DISP3: variants seen among roughly 807,000 people sequenced by gnomAD.
The protein encoded by DISP3 is protein dispatched homolog 3.
Under a neutral mutation model 135.3 loss-of-function variants are expected in DISP3, and 101 were observed. The ratio of observed to expected loss-of-function variants is 0.75; its 90% CI spans 0.64 to 0.88. The LOEUF (loss-of-function observed/expected upper bound fraction) is 0.88. Among genes scored for constraint, DISP3 ranks in the 40% least tolerant of loss-of-function variants. DISP3 has a pLI of 0.00. For synonymous variants in DISP3, 856 were observed against 817.0 expected (o/e 1.05, Z -0.81); for missense variants, 1,713 against 1,878.6 (o/e 0.91, Z 1.63).
At chr1:11,534,874 G>A in intron 18 of DISP3, 137 bp from the exon 19 acceptor site, 1 of 867,432 alleles carries the variant, frequency 1.2e-6, no homozygotes, top group Non-Finnish European at 1.9e-6. Context: ...AACAAGGCCG[G>A]TAGGGTAGGT....
chr1:11,500,861 A>G, intron 1 of DISP3, 129 bp from the exon 2 acceptor site: 1 of 1,017,174 alleles, frequency 9.8e-7, no homozygotes, highest in Non-Finnish European at 1.4e-6. Flanking sequence ...TGCTTGATGC[A>G]ATTCCATTGC....
In DISP3 at chr1:11,501,504, C is replaced by A. The variant is rs1641516920; in HGVS notation, c.512C>A (p.Ala171Asp). The change falls in exon 2 of 21, where the codon GCC (alanine) becomes GAC (aspartate). Residue 171 changes from alanine (A) to aspartate (D), a missense_variant. Ala to Asp is a moderately radical substitution (Grantham distance 126, BLOSUM62 -2). Around this residue, in one of 2 missense-constraint regions of DISP3, gnomAD observed 571 missense variants for 494.1 expected, o/e 1.16. Transcript: ENST00000294484. This position sits in a 1 kb window ranked among gnomAD's most constrained non-coding sequence, Gnocchi z 4.9. ...LGNRSRQASR[A>D]PRVIPAASLG... ...AACCGCTCGCGGCAAGCCTCCCGAG[C>A]CCCCCGCGTCATCCCCGCGGCCTCA... 2 of 1,605,498 alleles carry A rather than the reference C, an allele frequency of 1.2e-6. No individual in the cohort carries two copies. The highest frequency in any genetic ancestry group is 1.3e-5 in the African/African-American group (1 of 74,724).
intron 1 of DISP3, among the ~76,000 whole-genome samples, chr1:11,498,785 G>T (rs1483920791): frequency 6.6e-6 from 1 of 152,072 alleles, no homozygotes; most frequent in African/African-American, 2.4e-5. Flanking sequence ...TGTTGTGTAC[G>T]CCATCCTTCT....
At chr1:11,513,909 T>C (rs1423368538) in intron 3 of DISP3, among the ~76,000 whole-genome samples, 1 of 152,010 alleles carries the variant, frequency 6.6e-6, no homozygotes, top group Middle Eastern at 3.4e-3. Flanking sequence ...ATGTCACTTA[T>C]GTTTGTATTT....
chr1:11,509,049 C>T (rs1641784444), intron 3 of DISP3, among the ~76,000 whole-genome samples: 1 of 152,102 alleles, frequency 6.6e-6, no homozygotes, highest in South Asian at 2.1e-4. Context: ...CTATAAAATT[C>T]CCCTTAAGTA....
rs1642652304 is a variant in DISP3 at position 11,534,367 on chromosome 1, A to AT, written c.3376-13dup. The stretch of plus-strand genomic sequence containing the variant: ...GTCCCTGCCTGTCTCACTAGCTCAC[A>AT]TCTCTCCCCACAGACCACGTACAAG... On this transcript the variant is annotated splice_polypyrimidine_tract_variant and intron_variant, in intron 17 of 20. Transcript: ENST00000294484. The AT allele has an allele frequency of 1.2e-6, 2 of 1,614,114 alleles. No individual in the cohort carries two copies. Among genetic ancestry groups the AT allele is most frequent in the South Asian group, 2.2e-5 (2 of 91,076 alleles).
chr1:11,508,413 G>T (rs185871865), intron 3 of DISP3, among the ~76,000 whole-genome samples: 16 of 149,794 alleles, frequency 1.1e-4, no homozygotes, highest in African/African-American at 4.0e-4. Flanking sequence ...GCAAGACCCT[G>T]TCTCTTAAAA....
chr1:11,522,975 G>T (rs1353267657), intron 10 of DISP3, among the ~76,000 whole-genome samples: 1 of 151,250 alleles, frequency 6.6e-6, no homozygotes, highest in Non-Finnish European at 1.5e-5. Flanking sequence ...CCAGGACCCA[G>T]CCGGAGCCCA....
intron 1 of DISP3, among the ~76,000 whole-genome samples, chr1:11,480,493 A>G (rs1359365951): frequency 6.6e-6 from 1 of 152,056 alleles, no homozygotes; most frequent in African/African-American, 2.4e-5. Flanking sequence ...TCACAAGCAC[A>G]CACGTTCGTG....
chr1:11,520,723 TCGCCAGCCGGCTCCGCCC>T lies in DISP3; in HGVS notation c.2248_2265del (p.Leu750_Arg755del), dbSNP rs747717383. The T allele has an allele frequency of 2.5e-6, 4 of 1,613,214 alleles. No individual in the cohort carries two copies. The highest frequency in any genetic ancestry group is 1.1e-5 in the South Asian group (1 of 91,064). On this transcript the variant is annotated inframe_deletion, in exon 10 of 21. Transcript: ENST00000294484. The surrounding 1 kb of genome is among the most constrained non-coding windows in gnomAD (Gnocchi z 4.8). ...TCCATCCTCATCTTGTCCCTGGTGT[TCGCCAGCCGGCTCCGCCC>T]CGCCAGCCGGGCCCCGCTACTCTTC...
intron 1 of DISP3, among the ~76,000 whole-genome samples, chr1:11,492,702 A>AC (rs1450833372): frequency 6.6e-6 from 1 of 152,232 alleles, no homozygotes; most frequent in African/African-American, 2.4e-5. Flanking sequence ...GATGGGGAGT[A>AC]GAGGTAGGTG....
At chr1:11,523,020 C>T (rs1479071657) in intron 10 of DISP3, among the ~76,000 whole-genome samples, 1 of 152,256 alleles carries the variant, frequency 6.6e-6, no homozygotes, top group Non-Finnish European at 1.5e-5. Context: ...GTGCCTCTTC[C>T]TCTGGGAACT....
chr1:11,518,848 A>G lies in DISP3; in HGVS notation c.1890-507A>G, dbSNP rs116448960. Reference sequence around the variant, plus strand: ...CTCACTGCTGGCACGTGGCAGTGGTATTAGCCACACACACAGCGCTCGTAT... The same window carrying G: ...CTCACTGCTGGCACGTGGCAGTGGTGTTAGCCACACACACAGCGCTCGTAT... On this transcript the variant is annotated intron_variant, in intron 7 of 20. Transcript: ENST00000294484. Among the ~76,000 whole-genome samples the G allele has an allele frequency of 4.8e-3, 733 of 152,248 alleles. 5 individuals are homozygous for G. The highest frequency in any genetic ancestry group is 0.017 in the African/African-American group (715 of 41,550).
intron 1 of DISP3, among the ~76,000 whole-genome samples, chr1:11,493,015 CATTGT>C (rs1570066505): frequency 1.3e-5 from 2 of 152,152 alleles, no homozygotes; most frequent in East Asian, 3.8e-4. Context: ...TTCACGGCCC[CATTGT>C]ATTAGGGTTC....
chr1:11,503,840 C>T (rs114836205), intron 3 of DISP3, among the ~76,000 whole-genome samples: 3,376 of 152,266 alleles, frequency 0.022, 107 homozygotes, highest in African/African-American at 0.076. Context: ...GTGTTCCTAT[C>T]GTTAAAATGG....
rs761273848 is a variant in DISP3 at position 11,501,166 on chromosome 1, G to A, written c.174G>A (p.Ser58=). 4.3e-6 allele frequency: 7 copies of A among 1,613,872 alleles called. No individual in the cohort carries two copies. Among genetic ancestry groups the A allele is most frequent in the South Asian group, 1.1e-5 (1 of 91,084 alleles). The change falls in exon 2 of 21, where the codon TCG becomes TCA. Residue 58 remains serine, a synonymous_variant. Coordinates refer to ENST00000294484, the MANE Select transcript of DISP3 (RefSeq NM_020780.2). This position sits in a 1 kb window ranked among gnomAD's most constrained non-coding sequence, Gnocchi z 4.9. The part of the protein sequence containing the change: ...HWPLASRPPA[S]GFWSTLGWAF... ...CCCTGGCTTCCCGACCCCCAGCTTC[G>A]GGCTTCTGGAGTACCCTGGGCTGGG...
intron 13 of DISP3, among the ~76,000 whole-genome samples, chr1:11,528,174 T>C (rs2817632): frequency 0.22 from 33,785 of 152,126 alleles, 4,461 homozygotes; most frequent in East Asian, 0.46. Flanking sequence ...TTAATGCCCC[T>C]GCCCCTTCTG....
rs150589850 is a variant in DISP3, at chr1:11,531,755, C to T, written c.3375+45C>T. ...CTGGGTGCCATGCTGCGTACTTGCCCGGGGTGTGCCACCTCTGATCCCAGC... is the reference window on the plus strand; with the variant it reads ...CTGGGTGCCATGCTGCGTACTTGCCTGGGGTGTGCCACCTCTGATCCCAGC... On this transcript the variant is annotated intron_variant, in intron 17 of 20. Coordinates refer to ENST00000294484, the MANE Select transcript of DISP3 (RefSeq NM_020780.2). The surrounding 1 kb of genome is among the most constrained non-coding windows in gnomAD (Gnocchi z 5.2). 57 of 1,549,034 alleles carry T rather than the reference C, an allele frequency of 3.7e-5. No individual in the cohort carries two copies. In the Middle Eastern group the frequency reaches 7.1e-4, roughly 19 times the overall value.
At chr1:11,485,688 A>G (rs544154974) in intron 1 of DISP3, among the ~76,000 whole-genome samples, 2 of 152,310 alleles carry the variant, frequency 1.3e-5, no homozygotes, top group South Asian at 4.1e-4. Context: ...GATCATGATA[A>G]TAACAGTCAA....
Sources: gnomAD v4.1 joint callset for allele counts (sites outside exome capture counted in the v4.1 genomes callset) on GRCh38, gnomAD v4.1.1 for gene constraint, gnomAD v4.1.1 regional missense constraint, Gnocchi (gnomAD v3.1) non-coding constraint, MANE v1.5 for transcripts, NCBI Gene and HGNC (gene_info 2026-07-23, HGNC 2026-07-21) for gene names.